EXT1: variants seen among roughly 807,000 people sequenced by gnomAD.
The protein encoded by EXT1 is exostosin glycosyltransferase 1.
A neutral mutation model predicts 82.5 loss-of-function variants in EXT1; 20 were observed. The ratio of observed to expected loss-of-function variants is 0.24; its 90% CI spans 0.17 to 0.35. The LOEUF (loss-of-function observed/expected upper bound fraction) is 0.35, where lower values mean the gene tolerates loss of function less well. EXT1 is among the 10% of genes least tolerant of loss of function. EXT1 has a pLI of 1.00. For synonymous variants in EXT1, 348 were observed against 350.8 expected (o/e 0.99, Z 0.09); for missense variants, 757 against 936.5 (o/e 0.81, Z 2.50).
At chr8:117,877,816 T>C (rs1812996551) in intron 1 of EXT1, among the ~76,000 whole-genome samples, 2 of 152,144 alleles carry the variant, frequency 1.3e-5, no homozygotes, top group Non-Finnish European at 1.5e-5. Context: ...AAAGTACTAG[T>C]TCACAGTCAA....
At chr8:118,008,423 C>T (rs1028378735) in intron 1 of EXT1, among the ~76,000 whole-genome samples, 1 of 151,956 alleles carries the variant, frequency 6.6e-6, no homozygotes, top group African/African-American at 2.4e-5. Context: ...CCATGCCTGG[C>T]TAACTTTTTG....
intron 8 of EXT1, 86 bp downstream of exon 8, chr8:117,812,786 C>A: frequency 8.1e-7 from 1 of 1,231,598 alleles, no homozygotes; most frequent in Non-Finnish European, 1.2e-6. Flanking sequence ...TCTGCCAAGG[C>A]ACGGCTAAAA....
intron 1 of EXT1, among the ~76,000 whole-genome samples, chr8:117,858,913 T>C (rs1407177560): frequency 1.4e-5 from 2 of 140,876 alleles, no homozygotes; most frequent in Non-Finnish European, 3.1e-5. Context: ...AAGAAAGAAA[T>C]TGCCACAGCT....
chr8:117,901,080 A>G (rs1813439020), intron 1 of EXT1, among the ~76,000 whole-genome samples: 1 of 152,184 alleles, frequency 6.6e-6, no homozygotes, highest in Admixed American at 6.5e-5. Context: ...TATCAAATCC[A>G]TCGTTTTCCA....
intron 1 of EXT1, among the ~76,000 whole-genome samples, chr8:117,923,116 G>C (rs1813887883): frequency 6.6e-6 from 1 of 151,936 alleles, no homozygotes. Flanking sequence ...CTTGAGGTCA[G>C]GAGTTCGAGA....
chr8:117,861,279 A>C (rs1178225958), intron 1 of EXT1, among the ~76,000 whole-genome samples: 1 of 152,204 alleles, frequency 6.6e-6, no homozygotes, highest in Non-Finnish European at 1.5e-5. Flanking sequence ...AATTTACACA[A>C]GGCATTCAGA....
chr8:117,953,744 C>A (rs1015789153), intron 1 of EXT1, among the ~76,000 whole-genome samples: 1 of 151,746 alleles, frequency 6.6e-6, no homozygotes, highest in African/African-American at 2.4e-5. Context: ...TCAATATTGT[C>A]ATAATAATAA....
At chr8:117,987,517 C>T (rs114505563) in intron 1 of EXT1, among the ~76,000 whole-genome samples, 1,822 of 152,306 alleles carry the variant, frequency 0.012, 34 homozygotes, top group African/African-American at 0.04. Context: ...TAAAAGTTTA[C>T]GAGAAGAGCA....
At chr8:117,925,244 G>C (rs985447366) in intron 1 of EXT1, among the ~76,000 whole-genome samples, 1 of 151,986 alleles carries the variant, frequency 6.6e-6, no homozygotes. Context: ...AAGGCTCTAA[G>C]ATCTGTGACA....
chr8:118,021,765 C>T (rs1816106418), intron 1 of EXT1, among the ~76,000 whole-genome samples: 1 of 151,708 alleles, frequency 6.6e-6, no homozygotes, highest in Non-Finnish European at 1.5e-5. Context: ...CCTGACACCC[C>T]AGACTACACA....
intron 1 of EXT1, among the ~76,000 whole-genome samples, chr8:118,032,202 T>G (rs1459203226): frequency 1.3e-5 from 2 of 150,872 alleles, no homozygotes; most frequent in Non-Finnish European, 2.9e-5. Context: ...GGGTTTCTTT[T>G]AATGCAGTGA....
chr8:118,057,948 G>A (rs1816821139), intron 1 of EXT1, among the ~76,000 whole-genome samples: 1 of 147,016 alleles, frequency 6.8e-6, no homozygotes, highest in Non-Finnish European at 1.5e-5. Context: ...CTCCAGCCTG[G>A]CAACAGAGTT....
intron 1 of EXT1, among the ~76,000 whole-genome samples, chr8:118,084,394 C>T (rs1817384051): frequency 6.6e-6 from 1 of 152,248 alleles, no homozygotes; most frequent in South Asian, 2.1e-4. Flanking sequence ...CATAATGCAT[C>T]TTGTTCATGC....
chr8:118,009,264 T>A (rs1177375328), intron 1 of EXT1, among the ~76,000 whole-genome samples: 1 of 152,210 alleles, frequency 6.6e-6, no homozygotes, highest in African/African-American at 2.4e-5. Context: ...ACCAGCAATG[T>A]GTCTAGGAAA....
intron 1 of EXT1, among the ~76,000 whole-genome samples, chr8:117,985,004 AAGGTCTTTCAGATGGCTGCTTAAG>A (rs567157097): frequency 1.5e-3 from 223 of 152,292 alleles, no homozygotes; most frequent in African/African-American, 5.1e-3. Flanking sequence ...ATCCTGAGGT[AAGGTCTTTCAGATGGCTGCTTAAG>A]AGGTCTTTCA....
intron 1 of EXT1, among the ~76,000 whole-genome samples, chr8:118,075,167 C>T (rs1467905845): frequency 2.0e-5 from 3 of 152,224 alleles, no homozygotes; most frequent in Non-Finnish European, 4.4e-5. Context: ...TCCAGGAGCA[C>T]CTGCAAAGGA....
At chr8:117,830,091 G>C in intron 4 of EXT1, 139 bp downstream of exon 4, 1 of 1,094,438 alleles carries the variant, frequency 9.1e-7, no homozygotes, top group Non-Finnish European at 1.4e-6. Context: ...GGTAAAAGAG[G>C]TTAACCAATA....
At chr8:117,955,178 T>C (rs748761228) in intron 1 of EXT1, among the ~76,000 whole-genome samples, 83 of 152,210 alleles carry the variant, frequency 5.5e-4, no homozygotes, top group Non-Finnish European at 8.5e-4. Context: ...TCTATCCCCA[T>C]GGAGTCGGGG....
At chr8:117,980,108 C>T (rs190018061) in intron 1 of EXT1, among the ~76,000 whole-genome samples, 10 of 152,256 alleles carry the variant, frequency 6.6e-5, no homozygotes, top group Non-Finnish European at 1.0e-4. Context: ...ACATCAACAC[C>T]CAGAGGCTTC....
Sources: allele counts gnomAD v4.1 joint callset (sites outside exome capture counted in the v4.1 genomes callset), GRCh38; gene constraint gnomAD v4.1.1; transcripts MANE v1.5; gene names NCBI Gene and HGNC (gene_info 2026-07-23, HGNC 2026-07-21).